The following PCSK6 variants were observed in gnomAD, a reference collection of about 807,000 sequenced individuals.
PCSK6 encodes proprotein convertase subtilisin/kexin type 6.
Under a neutral mutation model 123.3 loss-of-function variants are expected in PCSK6, and 85 were observed. That is an observed-to-expected ratio of 0.69 (90% CI 0.58 to 0.83). PCSK6 has a LOEUF of 0.83. PCSK6 is among the 40% of genes least tolerant of loss of function. The pLI is 0.00. For missense variants in PCSK6, 1,191 were observed against 1,282.3 expected, an observed-to-expected ratio of 0.93 and a Z score of 1.09; for synonymous variants, 508 against 516.0, an observed-to-expected ratio of 0.98 and a Z score of 0.21.
At chr15:101,376,939 T>G (rs139075237) in intron 11 of PCSK6, among the ~76,000 whole-genome samples, 1,646 of 152,088 alleles carry the variant, frequency 0.011, 34 homozygotes, top group African/African-American at 0.038. Flanking sequence ...TACACAGAGG[T>G]CAGATGCCCT....
At position 101,388,615 on chromosome 15, in the gene PCSK6, G is replaced by GA. The variant is rs113034896; in HGVS notation, c.1310+848_1310+849insT. ...GCTGTGAGGTGCAGAATCAGAGGCA[G>GA]GCCTTGGACTCTGGCCCAGCCAGCC... is the stretch of plus-strand genomic sequence containing the variant. On this transcript the variant is annotated intron_variant, in intron 9 of 21. Transcript: ENST00000611716. 1.7e-3 allele frequency among the ~76,000 whole-genome samples: 254 copies of GA among 152,316 alleles called. 2 individuals are homozygous for GA. Among genetic ancestry groups the GA allele is most frequent in the African/African-American group, 5.7e-3 (238 of 41,554 alleles).
At chr15:101,435,008 C>T (rs1231752023) in intron 2 of PCSK6, among the ~76,000 whole-genome samples, 1 of 152,214 alleles carries the variant, frequency 6.6e-6, no homozygotes, top group African/African-American at 2.4e-5. Context: ...ACTGAGTCTT[C>T]CTGTGTGTCT....
intron 1 of PCSK6, among the ~76,000 whole-genome samples, chr15:101,454,980 G>GAATAAATAAATA (rs869105490): frequency 3.1e-5 from 3 of 97,880 alleles, no homozygotes; most frequent in Admixed American, 1.0e-4. Context: ...ATGAATGAAT[G>GAATAAATAAATA]AATAAATAAA....
chr15:101,361,231 AG>A (rs2041213991), intron 13 of PCSK6, among the ~76,000 whole-genome samples: 4 of 150,596 alleles, frequency 2.7e-5, no homozygotes, highest in Admixed American at 1.3e-4. Context: ...GTGATCTGGA[AG>A]GTTGGCATCC....
At chr15:101,356,678 A>AAAAT (rs201547509) in intron 13 of PCSK6, among the ~76,000 whole-genome samples, 5,688 of 142,894 alleles carry the variant, frequency 0.04, 113 homozygotes, top group African/African-American at 0.051. Context: ...AGACTGTCTC[A>AAAAT]AAATAAATAA....
chr15:101,320,927 T>A (rs1596178386), intron 18 of PCSK6, among the ~76,000 whole-genome samples: 1 of 151,812 alleles, frequency 6.6e-6, no homozygotes, highest in Non-Finnish European at 1.5e-5. Context: ...ACAGGAGGCG[T>A]TTTCTCTTTA....
chr15:101,477,490 CAT>C (rs1330115083), intron 1 of PCSK6, among the ~76,000 whole-genome samples: 2 of 152,182 alleles, frequency 1.3e-5, no homozygotes, highest in Non-Finnish European at 2.9e-5. Flanking sequence ...ATTCAACCTG[CAT>C]ATGAGTGTGC....
At position 101,326,478 on chromosome 15, in the gene PCSK6, A is replaced by G. The variant is rs754879749; in HGVS notation, c.2079T>C (p.Ser693=). 1 of 1,573,854 alleles carries G rather than the reference A, an allele frequency of 6.4e-7. No individual in the cohort carries two copies. The highest frequency in any genetic ancestry group is 8.6e-7 in the Non-Finnish European group (1 of 1,159,148). The stretch of plus-strand genomic sequence containing the variant: ...TGTCACCACACTCCGGATGGCACAC[A>G]CCTTAAAGAAACAAGCATTGCCTTT... ...TPGSANILQT[S]VCHPECGDKG... is the part of the protein sequence containing the mutation. Residue 693 remains serine, a splice_region_variant and synonymous_variant, in exon 16 of 22, where the codon AGT becomes AGC. Coordinates refer to ENST00000611716, the MANE Select transcript of PCSK6 (RefSeq NM_002570.5).
intron 19 of PCSK6, among the ~76,000 whole-genome samples, chr15:101,317,335 G>A (rs117715805): frequency 0.014 from 2,131 of 152,224 alleles, 24 homozygotes; most frequent in South Asian, 0.028. Context: ...AAACATATCC[G>A]AGCCCACAGA....
chr15:101,463,940 C>T (rs1253624350), intron 1 of PCSK6, among the ~76,000 whole-genome samples: 1 of 152,118 alleles, frequency 6.6e-6, no homozygotes, highest in Non-Finnish European at 1.5e-5. Flanking sequence ...CCCATGGTAG[C>T]CCCAGGGTGT....
intron 2 of PCSK6, among the ~76,000 whole-genome samples, chr15:101,440,736 T>C (rs964315741): frequency 7.2e-5 from 11 of 152,240 alleles, no homozygotes; most frequent in African/African-American, 2.4e-4. Context: ...ATCATAAAAA[T>C]GCTTTGCCAA....
chr15:101,489,529 G>C lies in PCSK6; in HGVS notation c.142C>G (p.Pro48Ala). 2 of 1,015,198 alleles carry C rather than the reference G, an allele frequency of 2.0e-6. No individual in the cohort carries two copies. The highest frequency in any genetic ancestry group is 4.5e-5 in the South Asian group (1 of 22,234). The allele number at this position is 1,015,198 out of a possible 1,614,324, so 62.9% of individuals were successfully genotyped here. A position where few individuals can be genotyped will look rare whatever the true frequency, so the allele number is the denominator to read the frequency against. Residue 48 changes from proline (P) to alanine (A), a missense_variant, in exon 1 of 22, where the codon CCC becomes GCC. Pro to Ala is a conservative substitution (Grantham distance 27). This residue lies in a region of PCSK6 where 204 missense variants were observed against 166.4 expected (regional missense o/e 1.23). Transcript: ENST00000611716. ...GPGFRPLAPR[P>A]WRWLLLLALP... The stretch of plus-strand genomic sequence containing the variant: ...GCCAGCAGCAGCAGCCAGCGCCAGG[G>C]ACGCGGCGCGAGCGGCCGGAACCCG...
intron 6 of PCSK6, among the ~76,000 whole-genome samples, chr15:101,403,652 C>G (rs2042678061): frequency 6.6e-6 from 1 of 152,198 alleles, no homozygotes; most frequent in African/African-American, 2.4e-5. Context: ...TCCTCCCTGT[C>G]ACCCCCAGCT....
intron 6 of PCSK6, among the ~76,000 whole-genome samples, chr15:101,409,564 G>A (rs557828064): frequency 2.2e-5 from 3 of 139,008 alleles, no homozygotes; most frequent in African/African-American, 5.9e-5. Context: ...CAGCCTGGGC[G>A]ACAGAGTAAG....
At position 101,398,393 on chromosome 15, in the gene PCSK6, G is replaced by T. The variant is rs747051458; in HGVS notation, c.996+11C>A. On this transcript the variant is annotated intron_variant, in intron 7 of 21. Coordinates refer to ENST00000611716, the MANE Select transcript of PCSK6 (RefSeq NM_002570.5). This position sits in a 1 kb window ranked among gnomAD's most constrained non-coding sequence, Gnocchi z 4.6. ...CCCAGAGCGCTCCCCTGTAGCCCTG[G>T]TTACTCACACCTTTTTAATGCCATA... 2.5e-6 allele frequency: 4 copies of T among 1,602,424 alleles called. No homozygotes were observed. Among genetic ancestry groups the T allele is most frequent in the Admixed American group, 1.7e-5 (1 of 59,450 alleles).
intron 13 of PCSK6, among the ~76,000 whole-genome samples, chr15:101,358,294 GCTA>G (rs972357367): frequency 1.3e-5 from 2 of 152,160 alleles, no homozygotes; most frequent in African/African-American, 4.8e-5. Context: ...TATTTTCTAT[GCTA>G]CTAAGATAAA....
intron 1 of PCSK6, among the ~76,000 whole-genome samples, chr15:101,482,206 T>C (rs2057907212): frequency 6.6e-6 from 1 of 152,244 alleles, no homozygotes; most frequent in Non-Finnish European, 1.5e-5. Flanking sequence ...GGCCTGTCAG[T>C]CACTGGTTTG....
At chr15:101,417,146 C>A (rs2055916124) in intron 6 of PCSK6, among the ~76,000 whole-genome samples, 1 of 152,202 alleles carries the variant, frequency 6.6e-6, no homozygotes, top group Non-Finnish European at 1.5e-5. Flanking sequence ...CTTATGAGAT[C>A]TGATGGGTTT....
chr15:101,380,009 G>C (rs1385288847), intron 11 of PCSK6, among the ~76,000 whole-genome samples: 1 of 152,154 alleles, frequency 6.6e-6, no homozygotes, highest in Non-Finnish European at 1.5e-5. Flanking sequence ...TAAGCAAGTG[G>C]TGTGAGACGG....
Sources: gnomAD v4.1 joint callset for allele counts (sites outside exome capture counted in the v4.1 genomes callset) on GRCh38, gnomAD v4.1.1 for gene constraint, gnomAD v4.1.1 regional missense constraint, Gnocchi (gnomAD v3.1) non-coding constraint, MANE v1.5 for transcripts, NCBI Gene and HGNC (gene_info 2026-07-23, HGNC 2026-07-21) for gene names.